The following SYN3 variants were observed in gnomAD, a reference collection of about 807,000 sequenced individuals.
The protein encoded by SYN3 is synapsin-3.
A neutral mutation model predicts 65.8 loss-of-function variants in SYN3; 35 were observed. The ratio of observed to expected loss-of-function variants is 0.53; its 90% CI spans 0.41 to 0.70. SYN3 has a LOEUF of 0.70. Ranked by LOEUF, SYN3 falls within the 30% of genes least tolerant of loss-of-function variation. The pLI, the probability that SYN3 is intolerant of heterozygous loss-of-function variation, is 0.00. For synonymous variants in SYN3, 270 were observed against 292.9 expected, an observed-to-expected ratio of 0.92 and a Z score of 0.80; for missense variants, 680 against 749.0, an observed-to-expected ratio of 0.91 and a Z score of 1.08.
chr22:32,587,159 TTGCAGTGAGCCGAGATCACACCAC>T (rs2059057287), intron 7 of SYN3, among the ~76,000 whole-genome samples: 1 of 145,848 alleles, frequency 6.9e-6, no homozygotes, highest in Non-Finnish European at 1.5e-5. Flanking sequence ...GAGGCAGAGG[TTGCAGTGAGCCGAGATCACACCAC>T]TGCACTCCAG....
At chr22:32,917,803 C>T (rs1042571523) in intron 4 of SYN3, among the ~76,000 whole-genome samples, 1 of 152,290 alleles carries the variant, frequency 6.6e-6, no homozygotes, top group African/African-American at 2.4e-5. Flanking sequence ...AGGTGCACAG[C>T]AGCGGAGCCT....
In SYN3 at chr22:32,801,104, T is replaced by A. The variant is rs2234920; in HGVS notation, c.711+63811A>T. ...TGCTCTGGGAGAGCACAGAAAACAGTCTTCTATCATATATCATAGCCAGCT... is the reference window on the plus strand; with the variant it reads ...TGCTCTGGGAGAGCACAGAAAACAGACTTCTATCATATATCATAGCCAGCT... On this transcript the variant is annotated intron_variant, in intron 6 of 13. Coordinates refer to ENST00000358763, the MANE Select transcript of SYN3 (RefSeq NM_003490.4). The surrounding 1 kb of genome is among the most constrained non-coding windows in gnomAD (Gnocchi z 4.7). 0.017 allele frequency among the ~76,000 whole-genome samples: 2,521 copies of A among 152,226 alleles called. 37 individuals carry two copies. Among genetic ancestry groups the A allele is most frequent in the Middle Eastern group, 0.044 (13 of 294 alleles).
chr22:33,008,547 T>G (rs1348253573), intron 1 of SYN3, among the ~76,000 whole-genome samples: 5 of 152,110 alleles, frequency 3.3e-5, no homozygotes, highest in African/African-American at 9.7e-5. Context: ...TAGCAGTCAT[T>G]CTATTTTTAA....
chr22:32,523,466 T>C (rs2057923229), intron 12 of SYN3, among the ~76,000 whole-genome samples: 2 of 152,274 alleles, frequency 1.3e-5, no homozygotes, highest in African/African-American at 2.4e-5. Context: ...TGAGCTGAGA[T>C]TGTGCAACTG....
At chr22:32,587,761 C>T (rs1454174858) in intron 7 of SYN3, among the ~76,000 whole-genome samples, 2 of 152,184 alleles carry the variant, frequency 1.3e-5, no homozygotes, top group African/African-American at 4.8e-5. Context: ...CTGGAAACAT[C>T]GCCTGGAGGA....
At position 32,866,014 on chromosome 22, in the gene SYN3, T is replaced by C. The variant is rs1000485466; in HGVS notation, c.622-1010A>G. ...CTGTGGCGTCAGTTGCAGGTGATGATGAGAGACGAGGTGGAAGCATGATCC... is the reference window on the plus strand; with the variant it reads ...CTGTGGCGTCAGTTGCAGGTGATGACGAGAGACGAGGTGGAAGCATGATCC... On this transcript the variant is annotated intron_variant, in intron 5 of 13. Coordinates refer to ENST00000358763, the MANE Select transcript of SYN3 (RefSeq NM_003490.4). Among the ~76,000 whole-genome samples the C allele has an allele frequency of 2.0e-5, 3 of 152,086 alleles. No homozygotes were observed. In the South Asian group the frequency reaches 6.2e-4, roughly 32 times the overall value.
intron 2 of SYN3, among the ~76,000 whole-genome samples, chr22:32,983,699 G>A (rs186140217): frequency 6.6e-6 from 1 of 152,204 alleles, no homozygotes; most frequent in East Asian, 1.9e-4. Context: ...CATACAGTTT[G>A]TGAATTTTAT....
chr22:32,793,149 A>T (rs2046358344), intron 6 of SYN3, among the ~76,000 whole-genome samples: 1 of 152,198 alleles, frequency 6.6e-6, no homozygotes, highest in Non-Finnish European at 1.5e-5. Context: ...TTTTCAGCTT[A>T]TCATTCCAAG....
At chr22:32,777,130 CTTT>C (rs2045925917) in intron 6 of SYN3, among the ~76,000 whole-genome samples, 1 of 152,178 alleles carries the variant, frequency 6.6e-6, no homozygotes, top group Non-Finnish European at 1.5e-5. Flanking sequence ...CACATAATTT[CTTT>C]AGCTGTAATG....
chr22:32,859,279 A>G, intron 6 of SYN3: 1 of 1,614,192 alleles, frequency 6.2e-7, no homozygotes, highest in South Asian at 1.1e-5. Context: ...CTACCAGTCC[A>G]AACACTACGC....
At chr22:32,971,336 G>A (rs191534980) in intron 3 of SYN3, among the ~76,000 whole-genome samples, 1 of 152,220 alleles carries the variant, frequency 6.6e-6, no homozygotes, top group East Asian at 1.9e-4. Context: ...AAAAGAAAAA[G>A]GCCTCCATGG....
intron 6 of SYN3, among the ~76,000 whole-genome samples, chr22:32,616,963 G>A (rs2059529051): frequency 6.6e-6 from 1 of 152,156 alleles, no homozygotes; most frequent in South Asian, 2.1e-4. Context: ...AGTGGTTGGA[G>A]GATTCAGGAA....
intron 3 of SYN3, among the ~76,000 whole-genome samples, chr22:32,955,656 C>T (rs2051430835): frequency 6.6e-6 from 1 of 152,066 alleles, no homozygotes; most frequent in South Asian, 2.1e-4. Flanking sequence ...TTCATTACCA[C>T]TTGTGATGGT....
intron 6 of SYN3, among the ~76,000 whole-genome samples, chr22:32,645,028 A>C (rs2059963658): frequency 1.3e-5 from 2 of 152,168 alleles, no homozygotes. Flanking sequence ...AGGAGGAGAG[A>C]AGAGGTTCCC....
chr22:32,579,884 G>A (rs77132615), intron 7 of SYN3, among the ~76,000 whole-genome samples: 68 of 152,186 alleles, frequency 4.5e-4, no homozygotes, highest in Non-Finnish European at 7.3e-4. Context: ...TTGAGCTCCC[G>A]GGTCACTGAT....
chr22:32,515,298 T>C (rs2057753092), intron 13 of SYN3, among the ~76,000 whole-genome samples: 1 of 152,236 alleles, frequency 6.6e-6, no homozygotes, highest in Admixed American at 6.5e-5. Context: ...GGTGACAGGC[T>C]GTATGCAGAT....
At chr22:33,036,200 C>A (rs943612997) in intron 1 of SYN3, among the ~76,000 whole-genome samples, 1 of 152,150 alleles carries the variant, frequency 6.6e-6, no homozygotes, top group Non-Finnish European at 1.5e-5. Context: ...GGAAAAGCAG[C>A]CTCAGATGTG....
chr22:32,710,061 G>GTA (rs35298184), intron 6 of SYN3, among the ~76,000 whole-genome samples: 203 of 135,360 alleles, frequency 1.5e-3, no homozygotes, highest in Middle Eastern at 8.4e-3. Context: ...CAAAGAATAT[G>GTA]TATATATATA....
At chr22:32,983,271 G>A (rs927157027) in intron 2 of SYN3, among the ~76,000 whole-genome samples, 3 of 152,178 alleles carry the variant, frequency 2.0e-5, no homozygotes, top group African/African-American at 7.2e-5. Context: ...TCAGCTGGAT[G>A]CAGCCACATG....
Sources: allele counts gnomAD v4.1 joint callset (sites outside exome capture counted in the v4.1 genomes callset), GRCh38; gene constraint gnomAD v4.1.1; non-coding constraint Gnocchi (gnomAD v3.1); transcripts MANE v1.5; gene names NCBI Gene and HGNC (gene_info 2026-07-23, HGNC 2026-07-21).